SLC15A1: variants seen among roughly 807,000 people sequenced by gnomAD.
SLC15A1 encodes the protein Caco-2 oligopeptide transporter.
SLC15A1 carries 83 observed loss-of-function variants against 92.9 expected under a neutral mutation model. The ratio of observed to expected loss-of-function variants is 0.89; its 90% CI spans 0.75 to 1.07. The LOEUF is 1.07. SLC15A1 is among the 50% of genes least tolerant of loss of function. The pLI is 0.00. For synonymous variants in SLC15A1, 322 were observed against 318.2 expected, an observed-to-expected ratio of 1.01 and a Z score of -0.13; for missense variants, 857 against 880.1, an observed-to-expected ratio of 0.97 and a Z score of 0.33.
chr13:98,711,474 T>C (rs2088162240), intron 11 of SLC15A1, among the ~76,000 whole-genome samples: 1 of 152,212 alleles, frequency 6.6e-6, no homozygotes, highest in Admixed American at 6.5e-5. Context: ...TCTCCATTTA[T>C]GTATGGGCTC....
intron 1 of SLC15A1, among the ~76,000 whole-genome samples, chr13:98,739,507 G>T (rs1594009558): frequency 6.6e-6 from 1 of 152,122 alleles, no homozygotes; most frequent in African/African-American, 2.4e-5. Context: ...CCTTGATACT[G>T]TCCTCACAAT....
At chr13:98,743,131 T>C (rs1361015636) in intron 1 of SLC15A1, among the ~76,000 whole-genome samples, 1 of 152,200 alleles carries the variant, frequency 6.6e-6, no homozygotes, top group Non-Finnish European at 1.5e-5. Context: ...CACCCTACCC[T>C]GGTATGACGT....
In SLC15A1 at chr13:98,711,956, T is replaced by C. The variant is rs754468098; in HGVS notation, c.811-13A>G. 2 of 1,601,474 alleles carry C rather than the reference T, an allele frequency of 1.2e-6. No individual in the cohort carries two copies. Among genetic ancestry groups the C allele is most frequent in the Middle Eastern group, 2.2e-4 (1 of 4,492 alleles). On this transcript the variant is annotated splice_polypyrimidine_tract_variant and intron_variant, in intron 10 of 22. Transcript: ENST00000376503. ...AGATGAGCCGCTCCTGTAGTTGGAG[T>C]GGGGAAGGGACAAATCAGCCACACC...
At position 98,688,243 on chromosome 13, in the gene SLC15A1, C is replaced by T; in HGVS notation, c.1683+5G>A. The T allele has an allele frequency of 6.3e-7, 1 of 1,586,486 alleles. No homozygotes were observed. The highest frequency in any genetic ancestry group is 8.6e-7 in the Non-Finnish European group (1 of 1,157,918). ...TCTTCTGATACAATGAAACGAGTTA[C>T]TAACCTTCCTTTGGACTATATAGGT... On this transcript the variant is annotated splice_donor_5th_base_variant and intron_variant, in intron 20 of 22. Coordinates refer to ENST00000376503, the MANE Select transcript of SLC15A1 (RefSeq NM_005073.4).
intron 8 of SLC15A1, 142 bp from the exon 9 acceptor site, chr13:98,716,102 C>T: frequency 1.4e-6 from 1 of 706,052 alleles, no homozygotes; most frequent in East Asian, 2.7e-5. Flanking sequence ...TCCAACCTCA[C>T]AGTTTAGAAA....
At chr13:98,726,543 A>G in intron 2 of SLC15A1, 94 bp from the exon 3 acceptor site, 1 of 1,118,882 alleles carries the variant, frequency 8.9e-7, no homozygotes, top group Non-Finnish European at 1.3e-6. Flanking sequence ...CAGCCAACGC[A>G]GATTCAGTAA....
At chr13:98,711,585 A>C (rs190388940) in intron 11 of SLC15A1, among the ~76,000 whole-genome samples, 25 of 152,292 alleles carry the variant, frequency 1.6e-4, no homozygotes, top group African/African-American at 5.8e-4. Flanking sequence ...ATCTTTCCCA[A>C]GGCTACTTGA....
At position 98,683,861 on chromosome 13, in the gene SLC15A1, C is replaced by A. The variant is rs1271528003; in HGVS notation, c.*863G>T. 2 of 152,208 alleles carry A rather than the reference C, an allele frequency of 1.3e-5. No individual in the cohort carries two copies. Among genetic ancestry groups the A allele is most frequent in the African/African-American group, 4.8e-5 (2 of 41,442 alleles). 9.4% of individuals were successfully genotyped at this position (152,208 alleles called of 1,614,324 possible). A position where few individuals can be genotyped will look rare whatever the true frequency, so the allele number is the denominator to read the frequency against. On this transcript the variant is annotated 3_prime_UTR_variant, in exon 23 of 23. Coordinates refer to ENST00000376503, the MANE Select transcript of SLC15A1 (RefSeq NM_005073.4). The stretch of plus-strand genomic sequence containing the variant: ...TCAAAAAAATCATTACTGGCCTTCA[C>A]CTGAGCTGTCTTTCGAGTTATCCAT...
At chr13:98,691,553 G>A (rs1167048889) in intron 18 of SLC15A1, among the ~76,000 whole-genome samples, 3 of 152,198 alleles carry the variant, frequency 2.0e-5, no homozygotes, top group Admixed American at 6.5e-5. Flanking sequence ...ACCTGAGGAA[G>A]GTCTCACAAT....
rs1342101038 is a variant in SLC15A1, at chr13:98,726,416, TGAA to T, written c.52_54del (p.Phe18del). On this transcript the variant is annotated inframe_deletion, in exon 3 of 23. Transcript: ENST00000376503. The stretch of plus-strand genomic sequence containing the variant: ...CTTTCGCAAAACTCATTGACCACGA[TGAA>T]GAAGATGCTCAGGGGATAACCAAAG... 9.3e-6 allele frequency: 15 copies of T among 1,613,986 alleles called. No homozygotes were observed. Among genetic ancestry groups the T allele is most frequent in the East Asian group, 6.7e-5 (3 of 44,892 alleles).
intron 16 of SLC15A1, among the ~76,000 whole-genome samples, chr13:98,705,913 T>A (rs2088109079): frequency 2.1e-5 from 3 of 141,512 alleles, no homozygotes; most frequent in Non-Finnish European, 4.7e-5. Context: ...AAAAAAAAAA[T>A]TCTGCATTTT....
rs1178323450 is a variant in SLC15A1 at position 98,687,706 on chromosome 13, C to G, written c.1702G>C (p.Val568Leu). The G allele has an allele frequency of 1.2e-6, 2 of 1,613,742 alleles. No individual in the cohort carries two copies. Among genetic ancestry groups the G allele is most frequent in the African/African-American group, 1.3e-5 (1 of 74,898 alleles). ...GCTGAAATATCTTCAAACACCTTCA[C>G]TTCAGGGCAGCTGTCATTCTGCAGC... ...VQRKNDSCPE[V>L]KVFEDISANT... Residue 568 changes from valine to leucine, a missense_variant, in exon 21 of 23, where the codon GTG becomes CTG. Transcript: ENST00000376503.
chr13:98,721,505 G>A lies in SLC15A1; in HGVS notation c.546C>T (p.Pro182=). 1 of 1,612,148 alleles carries A rather than the reference G, an allele frequency of 6.2e-7. No homozygotes were observed. Among genetic ancestry groups the A allele is most frequent in the Non-Finnish European group, 8.5e-7 (1 of 1,178,316 alleles). Residue 182 remains proline, a synonymous_variant, in exon 7 of 23, where the codon CCC becomes CCT. Transcript: ENST00000376503. ...TCAGGTATCTCTTACCTCTGAGCAT[G>A]GGTGTGATGATTGTGGAAAGCAAAC... ...AGSLLSTIIT[P]MLRVQQCGIH...
At chr13:98,728,198 C>A (rs1347450829) in intron 1 of SLC15A1, among the ~76,000 whole-genome samples, 1 of 152,166 alleles carries the variant, frequency 6.6e-6, no homozygotes. Flanking sequence ...TTCCTGGGTT[C>A]TCTTTTCTGT....
At chr13:98,695,535 G>A (rs1366716718) in intron 18 of SLC15A1, among the ~76,000 whole-genome samples, 1 of 152,056 alleles carries the variant, frequency 6.6e-6, no homozygotes, top group East Asian at 1.9e-4. Context: ...TGGGATTACA[G>A]GCACACACCA....
At chr13:98,698,427 T>G (rs1393165133) in intron 18 of SLC15A1, among the ~76,000 whole-genome samples, 1 of 152,124 alleles carries the variant, frequency 6.6e-6, no homozygotes, top group East Asian at 1.9e-4. Flanking sequence ...AGTAAGTTGT[T>G]TTTTGGTTTT....
chr13:98,712,748 C>T (rs1300780371), intron 9 of SLC15A1, among the ~76,000 whole-genome samples, 164 bp from the exon 10 acceptor site: 1 of 152,194 alleles, frequency 6.6e-6, no homozygotes, highest in Non-Finnish European at 1.5e-5. Context: ...TTAATAGTCT[C>T]TGTCCAACTA....
chr13:98,711,671 GTTTT>G (rs1250399987), intron 11 of SLC15A1, among the ~76,000 whole-genome samples, 179 bp downstream of exon 11: 1 of 27,898 alleles, frequency 3.6e-5, no homozygotes, highest in African/African-American at 1.4e-4. Context: ...TTTTGGTTTT[GTTTT>G]GTTTTGTTTT....
chr13:98,714,880 A>C (rs568048371), intron 9 of SLC15A1, among the ~76,000 whole-genome samples: 159 of 152,250 alleles, frequency 1.0e-3, no homozygotes, highest in African/African-American at 3.7e-3. Context: ...AAATCATTTG[A>C]TTCCATTATC....
Sources: allele counts gnomAD v4.1 joint callset (sites outside exome capture counted in the v4.1 genomes callset), GRCh38; gene constraint gnomAD v4.1.1; transcripts MANE v1.5; gene names NCBI Gene and HGNC (gene_info 2026-07-23, HGNC 2026-07-21).